TRDMT1: variants seen among roughly 807,000 people sequenced by gnomAD.
TRDMT1 encodes the protein tRNA (cytosine(38)-C(5))-methyltransferase.
Under a neutral mutation model 51.2 loss-of-function variants are expected in TRDMT1, and 49 were observed. The observed-to-expected ratio is 0.96, with a 90% CI of 0.76 to 1.21. The LOEUF is 1.21. Ranked by LOEUF, TRDMT1 falls within the 50% of genes most tolerant of loss-of-function variation. TRDMT1 has a pLI of 0.00. For synonymous variants in TRDMT1, 187 were observed against 164.6 expected (o/e 1.14, Z -1.04); for missense variants, 534 against 462.3 (o/e 1.16, Z -1.42).
intron 2 of TRDMT1, among the ~76,000 whole-genome samples, chr10:17,173,427 AGCAGTTCC>A (rs1013844195): frequency 2.0e-5 from 3 of 152,194 alleles, no homozygotes; most frequent in African/African-American, 7.2e-5. Context: ...ACTAAACAAA[AGCAGTTCC>A]ACTCAAAAGA....
At chr10:17,150,705 GT>G (rs200938006) in intron 10 of TRDMT1, 19,883 of 984,690 alleles carry the variant, frequency 0.02, 230 homozygotes, top group Non-Finnish European at 0.022. Flanking sequence ...GGTAGAATTA[GT>G]TACAATAAAG....
chr10:17,154,565 A>AAT, intron 9 of TRDMT1, 112 bp downstream of exon 9: 1 of 581,558 alleles, frequency 1.7e-6, no homozygotes, highest in Non-Finnish European at 2.7e-6. Flanking sequence ...GAATGAATAA[A>AAT]ATATATATTC....
chr10:17,140,134 C>T lies in TRDMT1; in HGVS notation c.*8906G>A, dbSNP rs916109624. 1.8e-4 allele frequency among the ~76,000 whole-genome samples: 26 copies of T among 147,692 alleles called. No homozygotes were observed. The highest frequency in any genetic ancestry group is 5.6e-4 in the African/African-American group (22 of 39,566). ...CACGACCTCGGCTCACTGCAACCTCCGCCTCCCAGGTTCCAGTGAGTCTCC... is the reference window on the plus strand; with the variant it reads ...CACGACCTCGGCTCACTGCAACCTCTGCCTCCCAGGTTCCAGTGAGTCTCC... On this transcript the variant is annotated 3_prime_UTR_variant, in exon 11 of 11. Transcript: ENST00000377799.
chr10:17,179,882 TG>T (rs1843061686), intron 1 of TRDMT1, among the ~76,000 whole-genome samples: 1 of 152,132 alleles, frequency 6.6e-6, no homozygotes, highest in African/African-American at 2.4e-5. Flanking sequence ...TCGGAGGTAT[TG>T]GGGAAAGGAT....
rs570830249 is a variant in TRDMT1, at chr10:17,139,709, T to G, written c.*9331A>C. On this transcript the variant is annotated 3_prime_UTR_variant, in exon 11 of 11. Coordinates refer to ENST00000377799, the MANE Select transcript of TRDMT1 (RefSeq NM_004412.7). ...TAGAGGAGTGATTTAACAAGGCTGA[T>G]GCCTTACAAAGGGGCATCATTCCCA... Among the ~76,000 whole-genome samples the G allele has an allele frequency of 2.6e-5, 4 of 152,258 alleles. No individual in the cohort carries two copies. The highest frequency in any genetic ancestry group is 9.6e-5 in the African/African-American group (4 of 41,562).
At position 17,193,125 on chromosome 10, in the gene TRDMT1, A is replaced by T. The variant is rs556466553; in HGVS notation, c.64+8446T>A. 2.6e-5 allele frequency among the ~76,000 whole-genome samples: 4 copies of T among 152,262 alleles called. No homozygotes were observed. The Middle Eastern group carries it at 0.01, about 388-fold the overall frequency. On this transcript the variant is annotated intron_variant, in intron 1 of 10. Coordinates refer to ENST00000377799, the MANE Select transcript of TRDMT1 (RefSeq NM_004412.7). ...ACACCTGTAATCCCAGCACTTTGGGAGGTTGGGGTGGGCTGATCACCTGAG... is the reference window on the plus strand; with the variant it reads ...ACACCTGTAATCCCAGCACTTTGGGTGGTTGGGGTGGGCTGATCACCTGAG...
In TRDMT1 at chr10:17,140,311, C is replaced by A. The variant is rs1329769461; in HGVS notation, c.*8729G>T. 6.6e-6 allele frequency among the ~76,000 whole-genome samples: 1 copy of A among 151,382 alleles called. No homozygotes were observed. The highest frequency in any genetic ancestry group is 2.4e-5 in the African/African-American group (1 of 41,096). On this transcript the variant is annotated 3_prime_UTR_variant, in exon 11 of 11. Transcript: ENST00000377799. ...CCTCATGGTCCGTTCACTTCGACCT[C>A]CCAAAGTGCTGGGATTACAGGTGTG...
chr10:17,177,034 A>G (rs1408775313), intron 1 of TRDMT1, among the ~76,000 whole-genome samples: 2 of 151,932 alleles, frequency 1.3e-5, no homozygotes, highest in Non-Finnish European at 2.9e-5. Context: ...ACAGAGGAAG[A>G]GGATGTGTTT....
At position 17,159,169 on chromosome 10, in the gene TRDMT1, A is replaced by C. The variant is rs1839959183; in HGVS notation, c.520T>G (p.Leu174Val). The C allele has an allele frequency of 6.2e-7, 1 of 1,602,944 alleles. No homozygotes were observed. Among genetic ancestry groups the C allele is most frequent in the South Asian group, 1.1e-5 (1 of 89,100 alleles). The change falls in exon 7 of 11, where the codon TTA becomes GTA. Residue 174 changes from leucine to valine, a missense_variant. By Grantham distance (32) the Leu-to-Val change is conservative. Transcript: ENST00000377799. ...ACCTGACCAGGGGCTTGAAAGGGTA[A>C]TGGCTCTGACTGAAGCTTTGCAATA... is the stretch of plus-strand genomic sequence containing the variant. ...FLIAKLQSEP[L>V]PFQAPGQVLM...
intron 3 of TRDMT1, among the ~76,000 whole-genome samples, chr10:17,167,994 T>C (rs912672431): frequency 3.9e-5 from 6 of 152,134 alleles, no homozygotes; most frequent in Non-Finnish European, 8.8e-5. Context: ...TCCTTTGTGA[T>C]TAATGCTTAA....
chr10:17,199,370 C>T (rs557446722), intron 1 of TRDMT1, among the ~76,000 whole-genome samples: 1 of 152,102 alleles, frequency 6.6e-6, no homozygotes, highest in South Asian at 2.1e-4. Flanking sequence ...AAATGTGAAC[C>T]GAAGCTAGAG....
chr10:17,162,188 G>C lies in TRDMT1; in HGVS notation c.301C>G (p.His101Asp). The change falls in exon 4 of 11, where the codon CAT becomes GAT. Residue 101 changes from histidine to aspartate, a missense_variant. Transcript: ENST00000377799. ...MTDSRTNSFL[H>D]ILDILPRLQK... is the part of the protein sequence containing the mutation. ...TACCTTGGGAGAATATCTAGAATATGTAAGAAGCTATTCGTCCTTGAATCA... is the reference window on the plus strand; with the variant it reads ...TACCTTGGGAGAATATCTAGAATATCTAAGAAGCTATTCGTCCTTGAATCA... The C allele has an allele frequency of 6.2e-7, 1 of 1,607,052 alleles. No homozygotes were observed.
Position 17,157,647 on chromosome 10 carries a change from G to A in TRDMT1, c.681C>T (p.Ala227=). ...CTGCAGTTTCAAGCTTAAAAAGAATGGCATCTTTTCCAGAACACTGTATGC... is the reference window on the plus strand; with the variant it reads ...CTGCAGTTTCAAGCTTAAAAAGAATAGCATCTTTTCCAGAACACTGTATGC... ...DGSIQCSGKD[A]ILFKLETAEE... is the part of the protein sequence containing the mutation. Residue 227 remains alanine (A), a synonymous_variant, in exon 8 of 11, where the codon GCC becomes GCT. Coordinates refer to ENST00000377799, the MANE Select transcript of TRDMT1 (RefSeq NM_004412.7). 3 of 1,613,572 alleles carry A rather than the reference G, an allele frequency of 1.9e-6. No individual in the cohort carries two copies. The highest frequency in any genetic ancestry group is 1.7e-6 in the Non-Finnish European group (2 of 1,179,770).
intron 7 of TRDMT1, 63 bp from the exon 8 acceptor site, chr10:17,157,847 A>G: frequency 1.6e-6 from 2 of 1,282,182 alleles, no homozygotes; most frequent in East Asian, 4.8e-5. Flanking sequence ...GAAATTAACA[A>G]TGTCCAGTCA....
chr10:17,185,591 T>C lies in TRDMT1; in HGVS notation c.65-10931A>G, dbSNP rs529174263. Among the ~76,000 whole-genome samples the C allele has an allele frequency of 3.4e-3, 512 of 152,256 alleles. 3 individuals carry two copies. The highest frequency in any genetic ancestry group is 0.011 in the Admixed American group (165 of 15,294). ...CAAAGGATTATAAATCATGCTGCCA[T>C]AAAGACACATGCACACGTATGTTTA... On this transcript the variant is annotated intron_variant, in intron 1 of 10. Transcript: ENST00000377799.
Position 17,192,547 on chromosome 10 carries a change from C to T in TRDMT1, c.64+9024G>A, listed in dbSNP as rs1201904341. 2.6e-5 allele frequency among the ~76,000 whole-genome samples: 4 copies of T among 152,182 alleles called. No individual in the cohort carries two copies. In the East Asian group the frequency reaches 5.8e-4, roughly 22 times the overall value. ...CCCATCAGACATTTCCGGAAACACGCACTAAGGAGCACTGTTTTCACAATG... is the reference window on the plus strand; with the variant it reads ...CCCATCAGACATTTCCGGAAACACGTACTAAGGAGCACTGTTTTCACAATG... On this transcript the variant is annotated intron_variant, in intron 1 of 10. Coordinates refer to ENST00000377799, the MANE Select transcript of TRDMT1 (RefSeq NM_004412.7).
intron 1 of TRDMT1, among the ~76,000 whole-genome samples, chr10:17,181,643 A>G (rs1295268442): frequency 1.3e-5 from 2 of 150,816 alleles, no homozygotes; most frequent in African/African-American, 4.9e-5. Context: ...ATCTATCTCA[A>G]TGCTCATTTT....
chr10:17,195,892 C>T (rs1344800738), intron 1 of TRDMT1, among the ~76,000 whole-genome samples: 2 of 151,608 alleles, frequency 1.3e-5, no homozygotes, highest in Admixed American at 6.6e-5. Flanking sequence ...AGGAAAGAGG[C>T]ATGAAAAGGA....
At chr10:17,191,413 AAAGTAGC>A (rs1276023046) in intron 1 of TRDMT1, among the ~76,000 whole-genome samples, 1 of 152,224 alleles carries the variant, frequency 6.6e-6, no homozygotes, top group Admixed American at 6.5e-5. Context: ...GGGTCCCAGA[AAAGTAGC>A]TCAGGCCAAG....
Sources: allele counts gnomAD v4.1 joint callset (sites outside exome capture counted in the v4.1 genomes callset), GRCh38; gene constraint gnomAD v4.1.1; transcripts MANE v1.5; gene names NCBI Gene and HGNC (gene_info 2026-07-23, HGNC 2026-07-21).